Variants in FOXP2 observed in about 807,000 individuals in gnomAD.
FOXP2 encodes forkhead box P2.
FOXP2 carries 12 observed loss-of-function variants against 115.8 expected under a neutral mutation model. That is an observed-to-expected ratio of 0.10 (90% CI 0.07 to 0.17). The LOEUF (loss-of-function observed/expected upper bound fraction) is 0.17, where lower values mean the gene tolerates loss of function less well. Ranked by LOEUF, FOXP2 falls within the 10% of genes least tolerant of loss-of-function variation. The pLI is 1.00. For synonymous variants in FOXP2, 328 were observed against 297.7 expected (o/e 1.10, Z -1.05); for missense variants, 629 against 843.5 (o/e 0.75, Z 3.15).
At chr7:114,445,450 A>T (rs983715347) in intron 2 of FOXP2, among the ~76,000 whole-genome samples, 1 of 152,062 alleles carries the variant, frequency 6.6e-6, no homozygotes, top group African/African-American at 2.4e-5. Context: ...ATTTCCTTTT[A>T]TGTCTGTTTT....
At chr7:114,538,035 G>C (rs1799480610) in intron 3 of FOXP2, among the ~76,000 whole-genome samples, 1 of 151,472 alleles carries the variant, frequency 6.6e-6, no homozygotes, top group Admixed American at 6.6e-5. Flanking sequence ...GCACTTCCTA[G>C]ACTTGATATG....
intron 2 of FOXP2, 123 bp from the exon 3 acceptor site, chr7:114,534,494 G>A (rs1799284695): frequency 2.4e-6 from 2 of 834,630 alleles, no homozygotes; most frequent in South Asian, 2.8e-5. Context: ...AAACAACAAT[G>A]ATTCTCTCTA....
intron 3 of FOXP2, among the ~76,000 whole-genome samples, chr7:114,614,637 TTATTA>T (rs1277730804): frequency 1.3e-5 from 2 of 152,204 alleles, no homozygotes; most frequent in African/African-American, 4.8e-5. Flanking sequence ...TTACATTTAT[TTATTA>T]TATCTAATGG....
intron 1 of FOXP2, among the ~76,000 whole-genome samples, chr7:114,106,400 TTA>T (rs1404881059): frequency 6.6e-6 from 1 of 151,916 alleles, no homozygotes; most frequent in Non-Finnish European, 1.5e-5. Flanking sequence ...TGGCATTGTT[TTA>T]TATGTTTTTC....
intron 2 of FOXP2, among the ~76,000 whole-genome samples, chr7:114,533,509 A>G (rs1224882332): frequency 1.3e-5 from 2 of 151,962 alleles, no homozygotes; most frequent in Non-Finnish European, 2.9e-5. Context: ...AAACCAGATC[A>G]TTGATTACAA....
At chr7:114,247,207 GT>G (rs1253339152) in intron 1 of FOXP2, among the ~76,000 whole-genome samples, 1 of 152,058 alleles carries the variant, frequency 6.6e-6, no homozygotes, top group East Asian at 1.9e-4. Flanking sequence ...ATACAGGTTT[GT>G]TCTTATTATA....
At chr7:114,585,102 C>T (rs1206902345) in intron 3 of FOXP2, among the ~76,000 whole-genome samples, 2 of 152,094 alleles carry the variant, frequency 1.3e-5, no homozygotes, top group Non-Finnish European at 2.9e-5. Context: ...TCTTCCATGT[C>T]TCATCAAATG....
upstream of FOXP2, among the ~76,000 whole-genome samples, chr7:114,158,386 T>A (rs1235527819): frequency 3.3e-5 from 5 of 151,986 alleles, no homozygotes; most frequent in African/African-American, 7.2e-5. Flanking sequence ...ATGAACTTAG[T>A]TGTTAAATCT....
chr7:114,330,548 A>G (rs889024918), intron 2 of FOXP2, among the ~76,000 whole-genome samples: 2 of 150,622 alleles, frequency 1.3e-5, no homozygotes, highest in Non-Finnish European at 3.0e-5. Flanking sequence ...TACATAATAT[A>G]TATAATGTGA....
chr7:114,634,157 G>A (rs1274375251), intron 6 of FOXP2, among the ~76,000 whole-genome samples: 1 of 151,934 alleles, frequency 6.6e-6, no homozygotes, highest in Non-Finnish European at 1.5e-5. Flanking sequence ...CACCACGCCT[G>A]GCTAATTTTC....
intron 2 of FOXP2, among the ~76,000 whole-genome samples, chr7:114,370,081 G>A (rs1791966707): frequency 6.6e-6 from 1 of 152,026 alleles, no homozygotes; most frequent in Non-Finnish European, 1.5e-5. Flanking sequence ...AAAGTATTGG[G>A]AAAAAAATAT....
At chr7:114,309,778 G>C (rs1323397734) in intron 2 of FOXP2, among the ~76,000 whole-genome samples, 1 of 151,494 alleles carries the variant, frequency 6.6e-6, no homozygotes, top group African/African-American at 2.4e-5. Context: ...TGATCCTCCA[G>C]CTTCAGCCTC....
At chr7:114,287,740 A>T (rs1445989293) in intron 1 of FOXP2, among the ~76,000 whole-genome samples, 1 of 151,962 alleles carries the variant, frequency 6.6e-6, no homozygotes, top group Non-Finnish European at 1.5e-5. Flanking sequence ...AATCAATGAG[A>T]GTGGGAAACA....
chr7:114,560,125 G>A (rs559011347), intron 3 of FOXP2, among the ~76,000 whole-genome samples: 16 of 152,200 alleles, frequency 1.1e-4, no homozygotes, highest in Admixed American at 9.2e-4. Flanking sequence ...AGTGGAATGA[G>A]TATATAGTGT....
intron 1 of FOXP2, among the ~76,000 whole-genome samples, chr7:114,214,410 G>T (rs1794436687): frequency 6.6e-6 from 1 of 152,108 alleles, no homozygotes; most frequent in Non-Finnish European, 1.5e-5. Flanking sequence ...CATGAATTTG[G>T]CAAACCAAAG....
At chr7:114,328,238 T>C (rs2222538) in intron 2 of FOXP2, among the ~76,000 whole-genome samples, 9,190 of 134,404 alleles carry the variant, frequency 0.068, 261 homozygotes, top group Middle Eastern at 0.12. Context: ...CTTTTCTTTT[T>C]TTTTTTTTTT....
intron 6 of FOXP2, among the ~76,000 whole-genome samples, chr7:114,637,676 G>A (rs1805298224): frequency 6.6e-6 from 1 of 152,062 alleles, no homozygotes; most frequent in Non-Finnish European, 1.5e-5. Context: ...AATAAGTTAA[G>A]TAAAATATAT....
chr7:114,662,740 A>G (rs529651556), intron 14 of FOXP2, among the ~76,000 whole-genome samples: 58 of 152,210 alleles, frequency 3.8e-4, no homozygotes, highest in Admixed American at 1.4e-3. Flanking sequence ...TGACCAAGGT[A>G]TACTAGTGTG....
intron 2 of FOXP2, among the ~76,000 whole-genome samples, chr7:114,514,564 A>G (rs1392115874): frequency 1.3e-5 from 2 of 151,936 alleles, no homozygotes; most frequent in Non-Finnish European, 2.9e-5. Flanking sequence ...AGCTTCATCC[A>G]TGTTGTCACA....
Sources: gnomAD v4.1 joint callset for allele counts (sites outside exome capture counted in the v4.1 genomes callset) on GRCh38, gnomAD v4.1.1 for gene constraint, MANE v1.5 for transcripts, NCBI Gene and HGNC (gene_info 2026-07-23, HGNC 2026-07-21) for gene names.